Variants in PROSER3 observed in about 807,000 individuals in gnomAD.
The protein encoded by PROSER3 is proline and serine rich 3, also known as proline and serine-rich protein 3.
In PROSER3, 33 loss-of-function variants were observed where a neutral mutation model predicts 50.2. The observed-to-expected ratio is 0.66, with a 90% CI of 0.50 to 0.88. PROSER3 has a LOEUF of 0.88. Among genes scored for constraint, PROSER3 ranks in the 40% least tolerant of loss-of-function variants. PROSER3 has a pLI of 0.00. For missense variants in PROSER3, 623 were observed against 612.7 expected (o/e 1.02, Z -0.18); for synonymous variants, 266 against 259.3 (o/e 1.03, Z -0.25).
chr19:35,767,509 T>A, intron 8 of PROSER3: 1 of 409,330 alleles, frequency 2.4e-6, no homozygotes, highest in Non-Finnish European at 4.4e-6. Flanking sequence ...TGCCCATCCC[T>A]GACCCAAGCA....
downstream of PROSER3, chr19:35,769,902 CTTTG>C (rs545507319): frequency 1.1e-4 from 16 of 151,328 alleles, no homozygotes; most frequent in East Asian, 3.9e-4. Flanking sequence ...AGCTAATTTT[CTTTG>C]TTTGTTTGTT....
At chr19:35,764,902 C>T (rs563644034) in exon 6 of PROSER3, 4 of 1,613,794 alleles carry the variant, frequency 2.5e-6, no homozygotes, top group African/African-American at 2.7e-5. Flanking sequence ...GACGCTGAGC[C>T]TACAGAGCAG....
intron 5 of PROSER3, among the ~76,000 whole-genome samples, chr19:35,763,242 C>A (rs1338938056): frequency 1.3e-5 from 2 of 151,664 alleles, no homozygotes; most frequent in African/African-American, 4.8e-5. Flanking sequence ...TGCTCTGTCA[C>A]CCAGGCTGGG....
rs370595303 is a variant in PROSER3, at chr19:35,762,238, A to G, written c.440-15A>G. The G allele has an allele frequency of 2.5e-6, 4 of 1,608,238 alleles. No individual in the cohort carries two copies. The African/African-American group carries it at 4.0e-5, about 16-fold the overall frequency. ...CACTCCTCCTGGCCCTCATACCTCA[A>G]CTGGGGCTTCTCAGCAGGAGCCAAC... is the stretch of plus-strand genomic sequence containing the variant. On this transcript the variant is annotated splice_polypyrimidine_tract_variant and intron_variant, in intron 4 of 10. Coordinates refer to ENST00000396908, the Ensembl canonical transcript of PROSER3.
At chr19:35,766,078 A>T (rs1568412495) in intron 7 of PROSER3, among the ~76,000 whole-genome samples, 1 of 151,948 alleles carries the variant, frequency 6.6e-6, no homozygotes, top group Non-Finnish European at 1.5e-5. Flanking sequence ...GAGAGTAGGG[A>T]ACAGATTTGG....
intron 8 of PROSER3, chr19:35,767,212 A>C (rs1971178559): frequency 2.2e-6 from 1 of 447,402 alleles, no homozygotes; most frequent in Non-Finnish European, 3.9e-6. Context: ...TGTCCTCTCC[A>C]CACATCTTTT....
exon 11 of PROSER3, chr19:35,768,763 A>C: frequency 2.2e-6 from 1 of 462,712 alleles, no homozygotes; most frequent in Middle Eastern, 5.8e-4. Flanking sequence ...TCCTTGGGGC[A>C]GAGGGAGTTT....
exon 5 of PROSER3, chr19:35,762,286 C>G: frequency 2.5e-6 from 4 of 1,612,456 alleles, no homozygotes; most frequent in Non-Finnish European, 3.4e-6. Context: ...AGACCCCATA[C>G]AGCTGTCCCT....
exon 2 of PROSER3, chr19:35,759,417 C>T (rs764839782): frequency 2.2e-5 from 35 of 1,613,532 alleles, no homozygotes; most frequent in Non-Finnish European, 3.0e-5. Context: ...TGGAGATGCG[C>T]CCCTGGGTCG....
chr19:35,766,661 G>C, intron 7 of PROSER3, 107 bp from the exon 8 acceptor site: 2 of 761,462 alleles, frequency 2.6e-6, no homozygotes, highest in Non-Finnish European at 4.2e-6. Flanking sequence ...TGGAGAGCCT[G>C]TCTGAGTAAC....
chr19:35,767,787 C>T lies in PROSER3; in HGVS notation c.958-17C>T, dbSNP rs560638856. Reference sequence around the variant, plus strand: ...AAGGTCACTCCCCCTCCATCTGAATCCCAGTGTCGGGCCAAGGCCGAGTCT... The same window carrying T: ...AAGGTCACTCCCCCTCCATCTGAATTCCAGTGTCGGGCCAAGGCCGAGTCT... On this transcript the variant is annotated splice_polypyrimidine_tract_variant and intron_variant, in intron 8 of 10. Coordinates refer to ENST00000396908, the Ensembl canonical transcript of PROSER3. 6.2e-6 allele frequency: 10 copies of T among 1,603,830 alleles called. No individual in the cohort carries two copies. In the South Asian group the frequency reaches 6.7e-5, roughly 11 times the overall value.
chr19:35,758,184 A>G, exon 1 of PROSER3: 2 of 1,555,442 alleles, frequency 1.3e-6, no homozygotes, highest in South Asian at 1.2e-5. Context: ...GTGAAGGAGC[A>G]GAGCGGCCGG....
exon 9 of PROSER3, chr19:35,767,823 A>G (rs369977417): frequency 4.7e-5 from 76 of 1,613,126 alleles, no homozygotes; most frequent in Non-Finnish European, 6.2e-5. Flanking sequence ...CTGAAAGCCA[A>G]GGCCTTGCCG....
intron 3 of PROSER3, 119 bp downstream of exon 3, chr19:35,760,110 T>A (rs375814794): frequency 9.2e-7 from 1 of 1,091,090 alleles, no homozygotes. Context: ...GACCAGGCAG[T>A]TTATGTGTGT....
At chr19:35,762,580 A>C in intron 5 of PROSER3, 2 of 505,306 alleles carry the variant, frequency 4.0e-6, no homozygotes. Flanking sequence ...GAGAGAGAGA[A>C]CCAGGTGTGG....
exon 11 of PROSER3, chr19:35,768,469 C>T: frequency 6.3e-7 from 1 of 1,598,306 alleles, no homozygotes; most frequent in East Asian, 2.2e-5. Context: ...TGGTCCCCTC[C>T]AGCCGGGTCG....
intron 8 of PROSER3, chr19:35,767,594 G>A: frequency 1.6e-6 from 1 of 609,512 alleles, no homozygotes; most frequent in Non-Finnish European, 2.8e-6. Context: ...TGCCGAGCAA[G>A]TCCCTGCAGC....
At chr19:35,764,957 A>T (rs763170683) in intron 6 of PROSER3, 21 bp downstream of exon 6, 15 of 1,612,838 alleles carry the variant, frequency 9.3e-6, no homozygotes, top group Middle Eastern at 1.6e-4. Context: ...CCCTGCCCCC[A>T]TCACCCTTCC....
chr19:35,764,233 G>A (rs1180027685), intron 5 of PROSER3, among the ~76,000 whole-genome samples: 1 of 152,168 alleles, frequency 6.6e-6, no homozygotes, highest in African/African-American at 2.4e-5. Flanking sequence ...TCCATCAGAA[G>A]CCCCAGGGCT....
Sources: allele counts gnomAD v4.1 joint callset (sites outside exome capture counted in the v4.1 genomes callset), GRCh38; gene constraint gnomAD v4.1.1; transcripts MANE v1.5; gene names NCBI Gene and HGNC (gene_info 2026-07-23, HGNC 2026-07-21).